Variants in LHFPL3 observed in about 807,000 individuals in gnomAD.
LHFPL3 encodes the protein LHFPL tetraspan subfamily member 3, also known as LHFPL tetraspan subfamily member 3 protein.
LHFPL3 carries 5 observed loss-of-function variants against 19.3 expected under a neutral mutation model. That is an observed-to-expected ratio of 0.26 (90% CI 0.14 to 0.54). LHFPL3 has a LOEUF of 0.54. Ranked by LOEUF, LHFPL3 falls within the 20% of genes least tolerant of loss-of-function variation. The pLI, the probability that LHFPL3 is intolerant of heterozygous loss-of-function variation, is 0.94. For missense variants in LHFPL3, 249 were observed against 307.4 expected (o/e 0.81, Z 1.42); for synonymous variants, 133 against 126.2 (o/e 1.05, Z -0.36).
At chr7:104,561,778 C>T (rs1169060067) in intron 1 of LHFPL3, among the ~76,000 whole-genome samples, 1 of 152,096 alleles carries the variant, frequency 6.6e-6, no homozygotes, top group Non-Finnish European at 1.5e-5. Flanking sequence ...TTCCTAGTCT[C>T]GATTGTCTTT....
intron 1 of LHFPL3, among the ~76,000 whole-genome samples, chr7:104,686,229 C>T (rs1485016859): frequency 6.6e-6 from 1 of 152,156 alleles, no homozygotes; most frequent in East Asian, 1.9e-4. Flanking sequence ...AGTCCAGCCC[C>T]ATCACCAGCT....
At chr7:104,455,964 A>AT (rs1348796353) in intron 1 of LHFPL3, among the ~76,000 whole-genome samples, 2 of 151,938 alleles carry the variant, frequency 1.3e-5, no homozygotes, top group Admixed American at 1.3e-4. Context: ...TTTTAAAATT[A>AT]TTTTTTTCTG....
At chr7:104,894,586 T>G (rs1792317645) in intron 2 of LHFPL3, 1 of 152,200 alleles carries the variant, frequency 6.6e-6, no homozygotes, top group Admixed American at 6.5e-5. Flanking sequence ...TATAAAACTC[T>G]CAAGTTATTT....
chr7:104,600,847 T>G (rs1790950254), intron 1 of LHFPL3, among the ~76,000 whole-genome samples: 1 of 152,140 alleles, frequency 6.6e-6, no homozygotes, highest in Non-Finnish European at 1.5e-5. Context: ...TAAACAAGAT[T>G]TTGCATATTC....
intron 1 of LHFPL3, among the ~76,000 whole-genome samples, chr7:104,499,059 A>C (rs1793547313): frequency 6.6e-6 from 1 of 152,204 alleles, no homozygotes; most frequent in Admixed American, 6.5e-5. Flanking sequence ...AAAATGAAGC[A>C]TGATTGGAAG....
intron 1 of LHFPL3, among the ~76,000 whole-genome samples, chr7:104,371,015 T>C (rs1476819684): frequency 1.3e-5 from 2 of 152,228 alleles, no homozygotes; most frequent in Non-Finnish European, 2.9e-5. Flanking sequence ...ACTGCAACAC[T>C]ATTCCACCTC....
At chr7:104,629,653 G>C (rs1454445765) in intron 1 of LHFPL3, among the ~76,000 whole-genome samples, 1 of 152,164 alleles carries the variant, frequency 6.6e-6, no homozygotes, top group African/African-American at 2.4e-5. Context: ...CCAGCTCACT[G>C]CTCATGATGC....
chr7:104,776,426 A>T (rs1160633496), intron 2 of LHFPL3, among the ~76,000 whole-genome samples: 1 of 152,102 alleles, frequency 6.6e-6, no homozygotes, highest in African/African-American at 2.4e-5. Flanking sequence ...CCAAAATTGT[A>T]GTCAAGGCAC....
chr7:104,651,355 G>A (rs141434646), intron 1 of LHFPL3, among the ~76,000 whole-genome samples: 24 of 152,328 alleles, frequency 1.6e-4, no homozygotes, highest in African/African-American at 5.8e-4. Flanking sequence ...ATAGCTGGCC[G>A]GAATGCATCG....
At chr7:104,837,617 A>AT (rs542329495) in intron 2 of LHFPL3, among the ~76,000 whole-genome samples, 5 of 151,600 alleles carry the variant, frequency 3.3e-5, no homozygotes, top group Admixed American at 6.6e-5. Context: ...CACCAACTTT[A>AT]TTTTTTTTTA....
intron 1 of LHFPL3, among the ~76,000 whole-genome samples, chr7:104,507,125 C>CTTT (rs1236068477): frequency 6.6e-6 from 1 of 151,980 alleles, no homozygotes; most frequent in Non-Finnish European, 1.5e-5. Context: ...GTTTATAACA[C>CTTT]CAAATACATT....
intron 1 of LHFPL3, among the ~76,000 whole-genome samples, chr7:104,620,322 A>G (rs563829743): frequency 2.2e-4 from 33 of 152,328 alleles, no homozygotes; most frequent in Non-Finnish European, 3.8e-4. Flanking sequence ...TCTTCACTCC[A>G]CAATAGATTT....
At chr7:104,776,187 CA>C (rs1794634325) in intron 2 of LHFPL3, among the ~76,000 whole-genome samples, 1 of 152,190 alleles carries the variant, frequency 6.6e-6, no homozygotes, top group Non-Finnish European at 1.5e-5. Context: ...TCTGTGAGCC[CA>C]AAGTCATCCA....
chr7:104,870,553 T>G (rs1791813992), intron 2 of LHFPL3, among the ~76,000 whole-genome samples: 1 of 152,212 alleles, frequency 6.6e-6, no homozygotes, highest in South Asian at 2.1e-4. Context: ...GAGCAGGGTC[T>G]TAAGTCCAAG....
chr7:104,431,163 A>AT (rs562406903), intron 1 of LHFPL3, among the ~76,000 whole-genome samples: 36 of 150,032 alleles, frequency 2.4e-4, no homozygotes, highest in South Asian at 4.2e-4. Context: ...CTGTTTCTTT[A>AT]TTTCTCACTC....
At chr7:104,600,318 G>A (rs368617070) in intron 1 of LHFPL3, among the ~76,000 whole-genome samples, 71 of 152,140 alleles carry the variant, frequency 4.7e-4, no homozygotes, top group African/African-American at 1.4e-3. Flanking sequence ...ATTGAGATAC[G>A]GAGCTCTGCT....
At chr7:104,869,910 C>G (rs959965590) in intron 2 of LHFPL3, among the ~76,000 whole-genome samples, 10 of 151,942 alleles carry the variant, frequency 6.6e-5, no homozygotes, top group Non-Finnish European at 1.5e-5. Context: ...AGTATGCAGC[C>G]ATAAAAAATG....
chr7:104,357,576 A>T (rs557846678), intron 1 of LHFPL3, among the ~76,000 whole-genome samples: 7 of 152,330 alleles, frequency 4.6e-5, no homozygotes, highest in Non-Finnish European at 8.8e-5. Context: ...GTCAGGGTTC[A>T]ATGAGAGAAA....
intron 1 of LHFPL3, among the ~76,000 whole-genome samples, chr7:104,354,894 C>T (rs717837): frequency 0.21 from 31,241 of 152,012 alleles, 3,869 homozygotes; most frequent in East Asian, 0.35. Context: ...ATATAGTCAA[C>T]ATAAAAATTA....
Sources: gnomAD v4.1 joint callset for allele counts (sites outside exome capture counted in the v4.1 genomes callset) on GRCh38, gnomAD v4.1.1 for gene constraint, MANE v1.5 for transcripts, NCBI Gene and HGNC (gene_info 2026-07-23, HGNC 2026-07-21) for gene names.